Variants in NAB1 observed in about 807,000 individuals in gnomAD.
NAB1 encodes the protein NGFI-A-binding protein 1.
In NAB1, 25 loss-of-function variants were observed where a neutral mutation model predicts 49.9. The observed-to-expected ratio is 0.50, with a 90% CI of 0.37 to 0.70. The LOEUF is 0.70. Among genes scored for constraint, NAB1 ranks in the 30% least tolerant of loss-of-function variants. The pLI, the probability that NAB1 is intolerant of heterozygous loss-of-function variation, is 0.00. For missense variants in NAB1, 489 were observed against 575.9 expected (o/e 0.85, Z 1.54); for synonymous variants, 198 against 215.6 (o/e 0.92, Z 0.71).
At position 190,677,067 on chromosome 2, in the gene NAB1, G is replaced by A. The variant is rs980082147; in HGVS notation, c.1005+3915G>A. 1 of 152,068 alleles carries A rather than the reference G, an allele frequency of 6.6e-6. No individual in the cohort carries two copies. The highest frequency in any genetic ancestry group is 2.4e-5 in the African/African-American group (1 of 41,394). 9.4% of individuals were successfully genotyped at this position (152,068 alleles called of 1,614,324 possible). A position where few individuals can be genotyped will look rare whatever the true frequency, so the allele number is the denominator to read the frequency against. ...AAGATCTTTCGTTCCTAAATACTGT[G>A]TTTTCCTGATCTATACATGAAGGCT... On this transcript the variant is annotated intron_variant, in intron 6 of 9. Transcript: ENST00000337386. The surrounding 1 kb of genome is among the most constrained non-coding windows in gnomAD (Gnocchi z 5.6).
At position 190,654,894 on chromosome 2, in the gene NAB1, G is replaced by T. The variant is rs1216808972; in HGVS notation, c.-196-1083G>T. On this transcript the variant is annotated intron_variant, in intron 2 of 9. Transcript: ENST00000337386. The surrounding 1 kb of genome is among the most constrained non-coding windows in gnomAD (Gnocchi z 5.6). ...AATCCGGGAAACTGAAAGACCAATG[G>T]TGCAACTGAAAGAACTAAGAGAGTT... Among the ~76,000 whole-genome samples, 1 of 152,142 alleles carries T rather than the reference G, an allele frequency of 6.6e-6. No individual in the cohort carries two copies. Among genetic ancestry groups the T allele is most frequent in the African/African-American group, 2.4e-5 (1 of 41,444 alleles).
In NAB1 at chr2:190,659,223, G is replaced by A. The variant is rs755895091; in HGVS notation, c.47G>A (p.Arg16Lys). The part of the protein sequence containing the change: ...PRTLGELQLY[R>K]ILQKANLLSY... Reference sequence around the variant, plus strand: ...ACCCTGGGGGAGTTGCAGCTGTATAGAATATTACAAAAAGCCAATCTACTT... The same window carrying A: ...ACCCTGGGGGAGTTGCAGCTGTATAAAATATTACAAAAAGCCAATCTACTT... The change falls in exon 4 of 10, where the codon AGA (arginine) becomes AAA (lysine). Residue 16 changes from arginine to lysine, a missense_variant. Arg to Lys is a conservative substitution (Grantham distance 26). Transcript: ENST00000337386. The surrounding 1 kb of genome is among the most constrained non-coding windows in gnomAD (Gnocchi z 6.2). 2 of 1,613,262 alleles carry A rather than the reference G, an allele frequency of 1.2e-6. No homozygotes were observed. Among genetic ancestry groups the A allele is most frequent in the Non-Finnish European group, 1.7e-6 (2 of 1,179,914 alleles).
Position 190,685,546 on chromosome 2 carries a change from A to G in NAB1, c.1166A>G (p.His389Arg), listed in dbSNP as rs758510178. Reference sequence around the variant, plus strand: ...CAAGCTGGCTATGAGAGACTGCAGCATGCCGAGAGGAGGTTGTCTGCAGGG... The same window carrying G: ...CAAGCTGGCTATGAGAGACTGCAGCGTGCCGAGAGGAGGTTGTCTGCAGGG... ...CNQAGYERLQHAERRLSAGLY... is the reference protein window; with the variant it reads ...CNQAGYERLQRAERRLSAGLY... Residue 389 changes from histidine to arginine, a missense_variant, in exon 8 of 10, where the codon CAT (histidine) becomes CGT (arginine). Transcript: ENST00000337386. The surrounding 1 kb of genome is among the most constrained non-coding windows in gnomAD (Gnocchi z 4.5). 6.2e-6 allele frequency: 10 copies of G among 1,614,038 alleles called. No individual in the cohort carries two copies. The highest frequency in any genetic ancestry group is 8.5e-6 in the Non-Finnish European group (10 of 1,180,030).
rs554244892 is a variant in NAB1 at position 190,652,960 on chromosome 2, C to T, written c.-197+2978C>T. Among the ~76,000 whole-genome samples, 12 of 152,336 alleles carry T rather than the reference C, an allele frequency of 7.9e-5. No homozygotes were observed. The South Asian group carries it at 1.2e-3, about 16-fold the overall frequency. On this transcript the variant is annotated intron_variant, in intron 2 of 9. Transcript: ENST00000337386. This position sits in a 1 kb window ranked among gnomAD's most constrained non-coding sequence, Gnocchi z 4.2. Reference sequence around the variant, plus strand: ...ATGCAGCCCAGGAGGGCTTTGAATACGGCCCAACACAAATGCATAAACTTT... The same window carrying T: ...ATGCAGCCCAGGAGGGCTTTGAATATGGCCCAACACAAATGCATAAACTTT...
intron 4 of NAB1, among the ~76,000 whole-genome samples, chr2:190,665,306 G>T (rs1173410353): frequency 6.8e-6 from 1 of 147,336 alleles, no homozygotes. Context: ...CTGGGCGACA[G>T]AGCAAGACTC....
At position 190,689,686 on chromosome 2, in the gene NAB1, C is replaced by T. The variant is rs1695818613; in HGVS notation, c.1376-559C>T. 6.6e-6 allele frequency among the ~76,000 whole-genome samples: 1 copy of T among 151,886 alleles called. No individual in the cohort carries two copies. Among genetic ancestry groups the T allele is most frequent in the Non-Finnish European group, 1.5e-5 (1 of 67,962 alleles). On this transcript the variant is annotated intron_variant, in intron 9 of 9. Transcript: ENST00000337386. The surrounding 1 kb of genome is among the most constrained non-coding windows in gnomAD (Gnocchi z 4.3). ...TGAAAATAGTGTTCATTATTTTATC[C>T]CTATTTCCCCTACCTTAATATGTCA...
Position 190,659,490 on chromosome 2 carries a change from C to T in NAB1, c.314C>T (p.Thr105Ile), listed in dbSNP as rs2125614848. 1.9e-6 allele frequency: 3 copies of T among 1,614,226 alleles called. No individual in the cohort carries two copies. Among genetic ancestry groups the T allele is most frequent in the East Asian group, 4.5e-5 (2 of 44,886 alleles). ...PIYKLPEGSP[T>I]WLGISCSSYE... ...TATAAATTACCAGAGGGATCACCAA[C>T]ATGGCTGGGAATATCCTGCAGTAGT... is the stretch of plus-strand genomic sequence containing the variant. Residue 105 changes from threonine to isoleucine, a missense_variant, in exon 4 of 10, where the codon ACA becomes ATA. Around this residue, in one of 4 missense-constraint regions of NAB1, gnomAD observed 204 missense variants for 220.9 expected, o/e 0.92. Transcript: ENST00000337386. The surrounding 1 kb of genome is among the most constrained non-coding windows in gnomAD (Gnocchi z 6.2).
In NAB1 at chr2:190,682,533, C is replaced by T. The variant is rs901402423; in HGVS notation, c.1006-1205C>T. On this transcript the variant is annotated intron_variant, in intron 6 of 9. Transcript: ENST00000337386. The surrounding 1 kb of genome is among the most constrained non-coding windows in gnomAD (Gnocchi z 4.1). ...ACTTTAAAGAACATTTAGTTTGGATCGTTAGCCACATTTCATGTAACAAAA... is the reference window on the plus strand; with the variant it reads ...ACTTTAAAGAACATTTAGTTTGGATTGTTAGCCACATTTCATGTAACAAAA... Among the ~76,000 whole-genome samples the T allele has an allele frequency of 6.6e-6, 1 of 152,128 alleles. No homozygotes were observed. Among genetic ancestry groups the T allele is most frequent in the Non-Finnish European group, 1.5e-5 (1 of 68,032 alleles).
At chr2:190,687,878 T>C (rs1303628808) in intron 9 of NAB1, among the ~76,000 whole-genome samples, 4 of 152,180 alleles carry the variant, frequency 2.6e-5, no homozygotes, top group African/African-American at 9.7e-5. Flanking sequence ...TAATATGAAA[T>C]TGATGGACTA....
At chr2:190,690,009 C>CT in intron 9 of NAB1, among the ~76,000 whole-genome samples, 1 of 986 alleles carries the variant, frequency 1.0e-3, no homozygotes, top group Admixed American at 6.3e-3. Context: ...GAGATGTATA[C>CT]ATCTATACAT....
At position 190,659,489 on chromosome 2, in the gene NAB1, A is replaced by G. The variant is rs751431764; in HGVS notation, c.313A>G (p.Thr105Ala). ...PIYKLPEGSPTWLGISCSSYE... is the reference protein window; with the variant it reads ...PIYKLPEGSPAWLGISCSSYE... ...CTATAAATTACCAGAGGGATCACCA[A>G]CATGGCTGGGAATATCCTGCAGTAG... Residue 105 changes from threonine to alanine, a missense_variant, in exon 4 of 10, where the codon ACA becomes GCA. By Grantham distance (58) the Thr-to-Ala change is moderately conservative (BLOSUM62 0). Coordinates refer to ENST00000337386, the MANE Select transcript of NAB1 (RefSeq NM_005966.4). This position sits in a 1 kb window ranked among gnomAD's most constrained non-coding sequence, Gnocchi z 6.2. 4 of 1,614,208 alleles carry G rather than the reference A, an allele frequency of 2.5e-6. No homozygotes were observed. Among genetic ancestry groups the G allele is most frequent in the Non-Finnish European group, 3.4e-6 (4 of 1,180,024 alleles).
At chr2:190,668,674 A>C (rs1335170973) in intron 4 of NAB1, among the ~76,000 whole-genome samples, 1 of 152,214 alleles carries the variant, frequency 6.6e-6, no homozygotes, top group Non-Finnish European at 1.5e-5. Context: ...GTCATTCTGG[A>C]TGGAATGATT....
intron 6 of NAB1, among the ~76,000 whole-genome samples, chr2:190,681,682 T>G (rs1419346978): frequency 6.6e-6 from 1 of 152,188 alleles, no homozygotes; most frequent in Non-Finnish European, 1.5e-5. Context: ...TGGCTCTATA[T>G]CATGTCTTTG....
chr2:190,663,585 G>C lies in NAB1; in HGVS notation c.819+3590G>C, dbSNP rs1333913335. On this transcript the variant is annotated intron_variant, in intron 4 of 9. Transcript: ENST00000337386. This position sits in a 1 kb window ranked among gnomAD's most constrained non-coding sequence, Gnocchi z 4.2. ...CTCTGGCCTTTTACAGAAAAAGCTTGCCAACCTCTGATCTTTTTGAAGAAG... is the reference window on the plus strand; with the variant it reads ...CTCTGGCCTTTTACAGAAAAAGCTTCCCAACCTCTGATCTTTTTGAAGAAG... Among the ~76,000 whole-genome samples, 1 of 152,152 alleles carries C rather than the reference G, an allele frequency of 6.6e-6. No individual in the cohort carries two copies. Among genetic ancestry groups the C allele is most frequent in the Non-Finnish European group, 1.5e-5 (1 of 68,022 alleles).
rs1695811877 is a variant in NAB1, at chr2:190,689,546, T to C, written c.1376-699T>C. On this transcript the variant is annotated intron_variant, in intron 9 of 9. Transcript: ENST00000337386. The surrounding 1 kb of genome is among the most constrained non-coding windows in gnomAD (Gnocchi z 4.3). ...GGATGTTTGCATGTATATGTGTGTG[T>C]ACATATCTCCCAGTATTTGTACTTT... Among the ~76,000 whole-genome samples, 1 of 152,230 alleles carries C rather than the reference T, an allele frequency of 6.6e-6. No individual in the cohort carries two copies. Among genetic ancestry groups the C allele is most frequent in the African/African-American group, 2.4e-5 (1 of 41,462 alleles).
chr2:190,669,345 A>G lies in NAB1; in HGVS notation c.820-981A>G, dbSNP rs1694686709. Reference sequence around the variant, plus strand: ...AAGAAAACAAGAATTAACACTAACCACAACCTTATGCCAGGTGTGTCTCCT... The same window carrying G: ...AAGAAAACAAGAATTAACACTAACCGCAACCTTATGCCAGGTGTGTCTCCT... On this transcript the variant is annotated intron_variant, in intron 4 of 9. Transcript: ENST00000337386. This position sits in a 1 kb window ranked among gnomAD's most constrained non-coding sequence, Gnocchi z 4.3. Among the ~76,000 whole-genome samples, 1 of 152,188 alleles carries G rather than the reference A, an allele frequency of 6.6e-6. No individual in the cohort carries two copies. The highest frequency in any genetic ancestry group is 2.1e-4 in the South Asian group (1 of 4,832).
At chr2:190,673,213 C>A in intron 6 of NAB1, 61 bp downstream of exon 6, 1 of 1,523,474 alleles carries the variant, frequency 6.6e-7, no homozygotes, top group Non-Finnish European at 9.1e-7. Flanking sequence ...TAAGATCAAG[C>A]AAAATCTTAA....
intron 4 of NAB1, among the ~76,000 whole-genome samples, chr2:190,662,534 C>CA (rs1323771520): frequency 1.3e-5 from 2 of 151,932 alleles, no homozygotes; most frequent in Non-Finnish European, 2.9e-5. Flanking sequence ...TGCCAAGGGA[C>CA]AAACCCAGAG....
In NAB1 at chr2:190,659,262, C is replaced by T. The variant is rs369230098; in HGVS notation, c.86C>T (p.Ala29Val). The change falls in exon 4 of 10, where the codon GCC becomes GTC. Residue 29 changes from alanine (A) to valine (V), a missense_variant. This residue lies in a region of NAB1 where 35 missense variants were observed against 85.6 expected (regional missense o/e 0.41). Transcript: ENST00000337386. This position sits in a 1 kb window ranked among gnomAD's most constrained non-coding sequence, Gnocchi z 6.2. ...QKANLLSYFDAFIQQGGDDVQ... is the reference protein window; with the variant it reads ...QKANLLSYFDVFIQQGGDDVQ... ...GCCAATCTACTTTCTTATTTTGATG[C>T]CTTTATCCAACAAGGTGGTGATGAT... The T allele has an allele frequency of 1.1e-5, 18 of 1,613,586 alleles. No individual in the cohort carries two copies. The Admixed American group carries it at 2.7e-4, about 24-fold the overall frequency.
Sources: allele counts gnomAD v4.1 joint callset (sites outside exome capture counted in the v4.1 genomes callset), GRCh38; gene constraint gnomAD v4.1.1; regional missense constraint gnomAD v4.1.1; non-coding constraint Gnocchi (gnomAD v3.1); transcripts MANE v1.5; gene names NCBI Gene and HGNC (gene_info 2026-07-23, HGNC 2026-07-21).